FGF10: variants seen among roughly 807,000 people sequenced by gnomAD.
FGF10 encodes the protein fibroblast growth factor 10.
A neutral mutation model predicts 19.8 loss-of-function variants in FGF10; 2 were observed. The ratio of observed to expected loss-of-function variants is 0.10; its 90% CI spans 0.04 to 0.32. FGF10 has a LOEUF of 0.32. FGF10 is among the 10% of genes least tolerant of loss of function. FGF10 has a pLI of 1.00. For missense variants in FGF10, 191 were observed against 246.3 expected, an observed-to-expected ratio of 0.78 and a Z score of 1.50; for synonymous variants, 112 against 94.0, an observed-to-expected ratio of 1.19 and a Z score of -1.10.
intron 1 of FGF10, among the ~76,000 whole-genome samples, chr5:44,335,857 G>T: frequency 6.6e-6 from 1 of 151,904 alleles, no homozygotes; most frequent in Non-Finnish European, 1.5e-5. Flanking sequence ...TCATATTATT[G>T]AATATTTAAA....
At chr5:44,369,638 C>T (rs1279958940) in intron 1 of FGF10, among the ~76,000 whole-genome samples, 1 of 152,098 alleles carries the variant, frequency 6.6e-6, no homozygotes, top group Non-Finnish European at 1.5e-5. Flanking sequence ...TCCCTCCCTC[C>T]AGCTTTAGCA....
At chr5:44,345,964 A>T (rs1183795136) in intron 1 of FGF10, among the ~76,000 whole-genome samples, 1 of 151,826 alleles carries the variant, frequency 6.6e-6, no homozygotes, top group African/African-American at 2.4e-5. Context: ...TTCAATACAT[A>T]TGTTGATGAT....
chr5:44,338,572 T>G (rs1243769956), intron 1 of FGF10, among the ~76,000 whole-genome samples: 1 of 152,184 alleles, frequency 6.6e-6, no homozygotes, highest in African/African-American at 2.4e-5. Context: ...CCTAAGGCTT[T>G]GATGTGTTTA....
chr5:44,370,878 C>T (rs906788825), intron 1 of FGF10, among the ~76,000 whole-genome samples: 3 of 145,232 alleles, frequency 2.1e-5, no homozygotes, highest in Non-Finnish European at 4.6e-5. Flanking sequence ...ATGTGAGAGG[C>T]TTAAAGGTAG....
chr5:44,384,229 T>C (rs1338120850), intron 1 of FGF10, among the ~76,000 whole-genome samples: 3 of 152,110 alleles, frequency 2.0e-5, no homozygotes, highest in Non-Finnish European at 2.9e-5. Context: ...ATGACATTCA[T>C]GGATTTTTCT....
chr5:44,300,948 A>C lies in FGF10; in HGVS notation c.*4047T>G, dbSNP rs1739954205. ...AGGAGTTTGGGGTTTTGGGTTTTGGAGTAGGAAAGAAGTAGACTAGAAGCA... is the reference window on the plus strand; with the variant it reads ...AGGAGTTTGGGGTTTTGGGTTTTGGCGTAGGAAAGAAGTAGACTAGAAGCA... On this transcript the variant is annotated 3_prime_UTR_variant, in exon 3 of 3. Coordinates refer to ENST00000264664, the MANE Select transcript of FGF10 (RefSeq NM_004465.2). Among the ~76,000 whole-genome samples the C allele has an allele frequency of 6.6e-6, 1 of 151,932 alleles. No homozygotes were observed. Among genetic ancestry groups the C allele is most frequent in the African/African-American group, 2.4e-5 (1 of 41,366 alleles).
chr5:44,379,291 A>C (rs1741937495), intron 1 of FGF10, among the ~76,000 whole-genome samples: 2 of 152,222 alleles, frequency 1.3e-5, no homozygotes, highest in Non-Finnish European at 2.9e-5. Context: ...TTTTTCAACA[A>C]TGCATTTATT....
chr5:44,306,457 A>G (rs1341474676), intron 2 of FGF10, among the ~76,000 whole-genome samples: 1 of 152,178 alleles, frequency 6.6e-6, no homozygotes, highest in Non-Finnish European at 1.5e-5. Context: ...TTATACTCAA[A>G]CTAAAGTAGT....
chr5:44,363,789 A>T (rs1741544206), intron 1 of FGF10, among the ~76,000 whole-genome samples: 2 of 151,894 alleles, frequency 1.3e-5, no homozygotes, highest in Admixed American at 6.6e-5. Context: ...ATCACTAACT[A>T]CATATTCACG....
At chr5:44,341,384 T>G (rs144901264) in intron 1 of FGF10, among the ~76,000 whole-genome samples, 13 of 152,064 alleles carry the variant, frequency 8.5e-5, no homozygotes, top group Non-Finnish European at 1.8e-4. Flanking sequence ...AGGTCATGTA[T>G]CTGGTTTACT....
chr5:44,388,507 G>A lies in FGF10; in HGVS notation c.176C>T (p.Ser59Phe), dbSNP rs201038841. 21 of 1,614,040 alleles carry A rather than the reference G, an allele frequency of 1.3e-5. No individual in the cohort carries two copies. The highest frequency in any genetic ancestry group is 1.1e-4 in the East Asian group (5 of 44,876). Reference protein sequence around the residue: ...ATNSSSSSFSSPSSAGRHVRS... With the variant: ...ATNSSSSSFSFPSSAGRHVRS... ...CACATGCCTTCCCGCGCTGGAAGGAGAGGAGAAGGAGGAGGAAGAAGAGTT... is the reference window on the plus strand; with the variant it reads ...CACATGCCTTCCCGCGCTGGAAGGAAAGGAGAAGGAGGAGGAAGAAGAGTT... The change falls in exon 1 of 3, where the codon TCT becomes TTT. Residue 59 changes from serine to phenylalanine, a missense_variant. Ser to Phe is a radical substitution (Grantham distance 155). Around this residue, in one of 2 missense-constraint regions of FGF10, gnomAD observed 92 missense variants for 84.6 expected, o/e 1.09. Transcript: ENST00000264664.
rs866688530 is a variant in FGF10 at position 44,331,612 on chromosome 5, G to A, written c.326-21082C>T. ...CTGAGGGTGTTGTATGTGCAATTAG[G>A]GTTCTTTCCTCTGTAAAGCCTTGCC... On this transcript the variant is annotated intron_variant, in intron 1 of 2. Transcript: ENST00000264664. Among the ~76,000 whole-genome samples, 6 of 152,090 alleles carry A rather than the reference G, an allele frequency of 3.9e-5. 1 individual carries two copies. The highest frequency in any genetic ancestry group is 3.4e-3 in the Middle Eastern group (1 of 294).
Position 44,348,052 on chromosome 5 carries a change from C to T in FGF10, c.326-37522G>A, listed in dbSNP as rs922583040. Among the ~76,000 whole-genome samples the T allele has an allele frequency of 2.0e-5, 3 of 151,590 alleles. No individual in the cohort carries two copies. The East Asian group carries it at 5.8e-4, about 29-fold the overall frequency. ...GCTATAAAATGTAAATAGAATGTGT[C>T]TGGGCAAAAATGTTTGACAATATGT... is the stretch of plus-strand genomic sequence containing the variant. On this transcript the variant is annotated intron_variant, in intron 1 of 2. Coordinates refer to ENST00000264664, the MANE Select transcript of FGF10 (RefSeq NM_004465.2).
At chr5:44,374,718 A>G (rs1381399275) in intron 1 of FGF10, among the ~76,000 whole-genome samples, 1 of 152,140 alleles carries the variant, frequency 6.6e-6, no homozygotes, top group Admixed American at 6.5e-5. Flanking sequence ...TAACCACCAA[A>G]TTATCCAAGA....
chr5:44,320,797 C>G (rs1740468183), intron 1 of FGF10, among the ~76,000 whole-genome samples: 1 of 151,954 alleles, frequency 6.6e-6, no homozygotes, highest in Non-Finnish European at 1.5e-5. Context: ...GTGGCACAAC[C>G]TCTGCCTCCC....
chr5:44,369,391 T>C (rs1347183002), intron 1 of FGF10, among the ~76,000 whole-genome samples: 1 of 152,054 alleles, frequency 6.6e-6, no homozygotes, highest in East Asian at 1.9e-4. Flanking sequence ...GGGCTGCAAA[T>C]TCAAGTGATC....
chr5:44,375,946 T>C (rs1296571595), intron 1 of FGF10, among the ~76,000 whole-genome samples: 1 of 152,174 alleles, frequency 6.6e-6, no homozygotes, highest in Non-Finnish European at 1.5e-5. Context: ...CTTACCCATA[T>C]TACAAAATTT....
At chr5:44,356,118 A>G (rs1399172963) in intron 1 of FGF10, among the ~76,000 whole-genome samples, 1 of 151,522 alleles carries the variant, frequency 6.6e-6, no homozygotes, top group Non-Finnish European at 1.5e-5. Context: ...TGCCAACTGC[A>G]TTTTAACAAA....
chr5:44,381,480 A>AAC (rs1554040024), intron 1 of FGF10, among the ~76,000 whole-genome samples: 5 of 152,028 alleles, frequency 3.3e-5, no homozygotes, highest in African/African-American at 9.7e-5. Flanking sequence ...TAAAAAAAAA[A>AAC]ACACACACAA....
Sources: allele counts gnomAD v4.1 joint callset (sites outside exome capture counted in the v4.1 genomes callset), GRCh38; gene constraint gnomAD v4.1.1; regional missense constraint gnomAD v4.1.1; transcripts MANE v1.5; gene names NCBI Gene and HGNC (gene_info 2026-07-23, HGNC 2026-07-21).